Variants in MARCHF1 observed in about 807,000 individuals in gnomAD.
MARCHF1 encodes membrane associated ring-CH-type finger 1.
MARCHF1 carries 40 observed loss-of-function variants against 54.2 expected under a neutral mutation model. That is an observed-to-expected ratio of 0.74 (90% CI 0.57 to 0.96). The LOEUF (loss-of-function observed/expected upper bound fraction) is 0.96. Among genes scored for constraint, MARCHF1 ranks in the 40% least tolerant of loss-of-function variants. MARCHF1 has a pLI of 0.00. For missense variants in MARCHF1, 586 were observed against 656.5 expected (o/e 0.89, Z 1.17); for synonymous variants, 236 against 236.3 (o/e 1.00, Z 0.01).
chr4:164,136,982 C>T (rs1756416129), intron 1 of MARCHF1, among the ~76,000 whole-genome samples: 1 of 152,074 alleles, frequency 6.6e-6, no homozygotes, highest in East Asian at 1.9e-4. Flanking sequence ...CATCAATTTC[C>T]CATGTATGAA....
chr4:164,221,657 G>A (rs1732116172), intron 1 of MARCHF1, among the ~76,000 whole-genome samples: 2 of 151,768 alleles, frequency 1.3e-5, no homozygotes, highest in South Asian at 4.2e-4. Flanking sequence ...AGAAATATAG[G>A]ATCTTTTTCT....
At chr4:164,100,770 G>A (rs574108120) in intron 2 of MARCHF1, among the ~76,000 whole-genome samples, 17 of 152,214 alleles carry the variant, frequency 1.1e-4, no homozygotes, top group African/African-American at 2.4e-4. Context: ...CAAGATGGCC[G>A]AATAGGAACA....
chr4:164,054,251 C>G (rs530323352), intron 2 of MARCHF1, among the ~76,000 whole-genome samples: 9 of 151,942 alleles, frequency 5.9e-5, no homozygotes, highest in African/African-American at 2.2e-4. Flanking sequence ...GTTAGAATGG[C>G]AATCATTAAA....
intron 2 of MARCHF1, among the ~76,000 whole-genome samples, chr4:164,106,642 A>G (rs1347566738): frequency 6.8e-5 from 10 of 147,332 alleles, no homozygotes; most frequent in African/African-American, 2.1e-4. Flanking sequence ...GGGAGGGATA[A>G]CATCGGGAGA....
chr4:163,562,004 AC>A (rs1440114687), intron 8 of MARCHF1, among the ~76,000 whole-genome samples: 1 of 152,092 alleles, frequency 6.6e-6, no homozygotes, highest in Non-Finnish European at 1.5e-5. Flanking sequence ...GCTATCAAAA[AC>A]AACACTCCAG....
intron 4 of MARCHF1, among the ~76,000 whole-genome samples, chr4:163,803,197 G>C (rs755152885): frequency 6.6e-6 from 1 of 152,052 alleles, no homozygotes; most frequent in Non-Finnish European, 1.5e-5. Context: ...TTTTGAGATA[G>C]AGTTTCACTC....
chr4:163,926,836 G>T lies in MARCHF1; in HGVS notation c.-39+61665C>A, dbSNP rs1212842415. ...ATCAATATAAACTATGACAATCCATGAATATGTCTCCCAAGGAACATAGTC... is the reference window on the plus strand; with the variant it reads ...ATCAATATAAACTATGACAATCCATTAATATGTCTCCCAAGGAACATAGTC... On this transcript the variant is annotated intron_variant, in intron 3 of 9. Coordinates refer to ENST00000514618, the MANE Select transcript of MARCHF1 (RefSeq NM_001394959.1). Among the ~76,000 whole-genome samples, 6 of 151,550 alleles carry T rather than the reference G, an allele frequency of 4.0e-5. No individual in the cohort carries two copies. In the East Asian group the frequency reaches 7.7e-4, roughly 20 times the overall value.
chr4:163,729,330 C>G (rs1472462770), intron 4 of MARCHF1, among the ~76,000 whole-genome samples: 2 of 152,022 alleles, frequency 1.3e-5, no homozygotes, highest in Non-Finnish European at 1.5e-5. Context: ...CTACTTCTAT[C>G]TCCTGGAAGA....
chr4:163,952,469 G>A (rs994244682), intron 3 of MARCHF1, among the ~76,000 whole-genome samples: 11 of 152,232 alleles, frequency 7.2e-5, no homozygotes, highest in African/African-American at 2.4e-4. Context: ...TGTTAAGCAT[G>A]TTATAAAATA....
chr4:164,141,817 G>A (rs1579567384), intron 1 of MARCHF1, among the ~76,000 whole-genome samples: 1 of 152,212 alleles, frequency 6.6e-6, no homozygotes, highest in East Asian at 1.9e-4. Flanking sequence ...GGGGGGAGGA[G>A]CCAAGATGGC....
intron 3 of MARCHF1, among the ~76,000 whole-genome samples, chr4:163,888,201 T>C (rs1332839581): frequency 6.6e-6 from 1 of 152,046 alleles, no homozygotes; most frequent in Admixed American, 6.6e-5. Flanking sequence ...TAAAAAATTA[T>C]CAACATATAC....
chr4:163,586,342 TTATG>T (rs1278407383), intron 7 of MARCHF1, among the ~76,000 whole-genome samples: 1 of 152,166 alleles, frequency 6.6e-6, no homozygotes, highest in Non-Finnish European at 1.5e-5. Flanking sequence ...GGATATCTCG[TTATG>T]TATGTGCAAA....
At chr4:163,642,738 T>C (rs1560993434) in intron 5 of MARCHF1, among the ~76,000 whole-genome samples, 1 of 152,176 alleles carries the variant, frequency 6.6e-6, no homozygotes, top group Non-Finnish European at 1.5e-5. Flanking sequence ...TGGAGAGCTA[T>C]AGGTTTCTGA....
At chr4:163,863,869 A>C (rs1474760758) in intron 3 of MARCHF1, among the ~76,000 whole-genome samples, 1 of 151,986 alleles carries the variant, frequency 6.6e-6, no homozygotes, top group African/African-American at 2.4e-5. Flanking sequence ...CACAAACCAA[A>C]CACAATTTGG....
chr4:163,638,661 G>A lies in MARCHF1; in HGVS notation c.163-25268C>T, dbSNP rs371136486. On this transcript the variant is annotated intron_variant, in intron 5 of 9. Transcript: ENST00000514618. ...TCCCCTTCTGAGTAATTCCACTCCC[G>A]GGTATCTATCCAAAAGGATCAAAAG... Among the ~76,000 whole-genome samples, 12 of 151,938 alleles carry A rather than the reference G, an allele frequency of 7.9e-5. No homozygotes were observed. The East Asian group carries it at 9.7e-4, about 12-fold the overall frequency.
chr4:164,373,282 C>G (rs919943064), intron 1 of MARCHF1, among the ~76,000 whole-genome samples: 1 of 151,572 alleles, frequency 6.6e-6, no homozygotes, highest in African/African-American at 2.4e-5. Context: ...GCTTCTCCAA[C>G]TACCATTTGT....
intron 7 of MARCHF1, among the ~76,000 whole-genome samples, chr4:163,605,324 A>G (rs558728424): frequency 9.8e-5 from 15 of 152,328 alleles, no homozygotes; most frequent in African/African-American, 3.6e-4. Flanking sequence ...ATCACTGGTC[A>G]TTAGAGAAAT....
At chr4:164,020,982 G>T (rs1296458155) in intron 2 of MARCHF1, among the ~76,000 whole-genome samples, 1 of 151,660 alleles carries the variant, frequency 6.6e-6, no homozygotes, top group African/African-American at 2.4e-5. Context: ...TGTTGTTGTT[G>T]TTGTTTTGTT....
chr4:163,742,034 A>G (rs1032041656), intron 4 of MARCHF1, among the ~76,000 whole-genome samples: 1 of 152,184 alleles, frequency 6.6e-6, no homozygotes, highest in Non-Finnish European at 1.5e-5. Context: ...AATGTGTAGA[A>G]TAAAGTAGTA....
Sources: allele counts gnomAD v4.1 joint callset (sites outside exome capture counted in the v4.1 genomes callset), GRCh38; gene constraint gnomAD v4.1.1; transcripts MANE v1.5; gene names NCBI Gene and HGNC (gene_info 2026-07-23, HGNC 2026-07-21).